The following WNK2 variants were observed in gnomAD, a reference collection of about 807,000 sequenced individuals.
WNK2 encodes the protein serine/threonine-protein kinase WNK2.
A neutral mutation model predicts 192.1 loss-of-function variants in WNK2; 67 were observed. The ratio of observed to expected loss-of-function variants is 0.35; its 90% CI spans 0.29 to 0.43. The LOEUF is 0.43. Ranked by LOEUF, WNK2 falls within the 20% of genes least tolerant of loss-of-function variation. WNK2 has a pLI of 1.00. For synonymous variants in WNK2, 1,439 were observed against 1,393.9 expected, an observed-to-expected ratio of 1.03 and a Z score of -0.72; for missense variants, 2,698 against 3,089.7, an observed-to-expected ratio of 0.87 and a Z score of 3.01.
At chr9:93,309,459 A>G (rs1853245502) in intron 28 of WNK2, among the ~76,000 whole-genome samples, 1 of 152,128 alleles carries the variant, frequency 6.6e-6, no homozygotes. Flanking sequence ...CTTTCTGACA[A>G]TTGGTATCTC....
intron 27 of WNK2, chr9:93,307,224 C>CCTCT (rs958299345): frequency 1.1e-5 from 2 of 187,858 alleles, no homozygotes; most frequent in East Asian, 1.5e-4. Context: ...GGGCCACTCA[C>CCTCT]CTCTCTCTCT....
intron 19 of WNK2, among the ~76,000 whole-genome samples, chr9:93,272,483 A>T (rs537747521): frequency 9.1e-4 from 138 of 152,278 alleles, no homozygotes; most frequent in Admixed American, 3.8e-3. Context: ...CATGACTGTA[A>T]TCCCAGCACT....
intron 23 of WNK2, 42 bp from the exon 24 acceptor site, chr9:93,297,811 C>G (rs767651537): frequency 6.5e-7 from 1 of 1,534,400 alleles, no homozygotes; most frequent in Non-Finnish European, 8.8e-7. Flanking sequence ...GTTGGAAACA[C>G]CGAGGAAGCC....
At chr9:93,225,029 A>G (rs1837569880) in intron 2 of WNK2, among the ~76,000 whole-genome samples, 1 of 152,186 alleles carries the variant, frequency 6.6e-6, no homozygotes, top group Non-Finnish European at 1.5e-5. Flanking sequence ...GGATGTGGAC[A>G]GGCTCTGTGG....
intron 2 of WNK2, among the ~76,000 whole-genome samples, chr9:93,207,033 C>G (rs1224437563): frequency 6.6e-6 from 1 of 152,070 alleles, no homozygotes; most frequent in African/African-American, 2.4e-5. Flanking sequence ...TTTGTGATGC[C>G]CACTCCTGCC....
Position 93,299,140 on chromosome 9 carries a change from A to C in WNK2, c.5994A>C (p.Ala1998=). ...DPAQASVGLT[A]DSTGLSGKAV... ...CCCAAGCCAGTGTGGGGCTCACTGC[A>C]GACAGCACGGGCCTGAGCGGGAAGG... Residue 1998 remains alanine, a synonymous_variant, in exon 25 of 30, where the codon GCA becomes GCC. Transcript: ENST00000427277. The C allele has an allele frequency of 6.2e-7, 1 of 1,612,086 alleles. No homozygotes were observed. The highest frequency in any genetic ancestry group is 1.1e-5 in the South Asian group (1 of 91,042).
In WNK2 at chr9:93,310,030, G is replaced by A. The variant is rs571383908; in HGVS notation, c.6516+1446G>A. Among the ~76,000 whole-genome samples, 66 of 152,150 alleles carry A rather than the reference G, an allele frequency of 4.3e-4. 1 individual carries two copies. The highest frequency in any genetic ancestry group is 7.4e-4 in the Non-Finnish European group (50 of 68,022). On this transcript the variant is annotated intron_variant, in intron 28 of 29. Transcript: ENST00000427277. Reference sequence around the variant, plus strand: ...GTAGGAGAGCAGACTTAGTGCTTGCGGTTTGTGGAGATCTTCCAGGACTGG... The same window carrying A: ...GTAGGAGAGCAGACTTAGTGCTTGCAGTTTGTGGAGATCTTCCAGGACTGG...
Position 93,229,959 on chromosome 9 carries a change from T to G in WNK2, c.854+91T>G. 2 of 1,478,124 alleles carry G rather than the reference T, an allele frequency of 1.4e-6. No homozygotes were observed. The highest frequency in any genetic ancestry group is 9.1e-7 in the Non-Finnish European group (1 of 1,103,640). The allele number at this position is 1,478,124 out of a possible 1,614,324, so 91.6% of individuals were successfully genotyped here. ...GTGAGGTCTTGGGCTGCTGGGGTGG[T>G]CCTGGCTGGTGCCTGTGGGAGGCTG... is the stretch of plus-strand genomic sequence containing the variant. On this transcript the variant is annotated intron_variant, in intron 3 of 29. Transcript: ENST00000427277. This position sits in a 1 kb window ranked among gnomAD's most constrained non-coding sequence, Gnocchi z 4.9.
rs79238293 is a variant in WNK2 at position 93,261,741 on chromosome 9, A to G, written c.3067-73A>G. 6.1e-4 allele frequency: 917 copies of G among 1,510,980 alleles called. 6 individuals are homozygous for G. In the African/African-American group the frequency reaches 0.011, roughly 18 times the overall value. 93.6% of individuals were successfully genotyped at this position (1,510,980 alleles called of 1,614,324 possible). A position where few individuals can be genotyped will look rare whatever the true frequency, so the allele number is the denominator to read the frequency against. ...CCCATCTCGGCCTGGGTATTCCCAG[A>G]CACACCTGGGCACGGCCCCCTCAGT... On this transcript the variant is annotated intron_variant, in intron 12 of 29. Coordinates refer to ENST00000427277, the MANE Select transcript of WNK2 (RefSeq NM_006648.4).
Position 93,309,318 on chromosome 9 carries a change from CTAAT to C in WNK2, c.6516+736_6516+739del, listed in dbSNP as rs374784225. The stretch of plus-strand genomic sequence containing the variant: ...ATCCATAGGACCCACTACGTACACT[CTAAT>C]TGATATTTTTGCTGTATTTATCACA... On this transcript the variant is annotated intron_variant, in intron 28 of 29. Transcript: ENST00000427277. The C allele has an allele frequency of 4.8e-3, 820 of 172,518 alleles. 7 individuals carry two copies. Among genetic ancestry groups the C allele is most frequent in the African/African-American group, 0.018 (769 of 41,930 alleles). The allele number at this position is 172,518 out of a possible 1,614,324, so 10.7% of individuals were successfully genotyped here.
At chr9:93,206,033 C>T (rs1404977905) in intron 2 of WNK2, among the ~76,000 whole-genome samples, 1 of 152,158 alleles carries the variant, frequency 6.6e-6, no homozygotes, top group African/African-American at 2.4e-5. Context: ...CGTGCGGAGC[C>T]TCGGGGCACA....
At chr9:93,188,285 T>G (rs1829714828) in intron 2 of WNK2, among the ~76,000 whole-genome samples, 1 of 152,206 alleles carries the variant, frequency 6.6e-6, no homozygotes, top group African/African-American at 2.4e-5. Context: ...GGGGCTCACT[T>G]GTGTTTTTCA....
intron 29 of WNK2, chr9:93,317,949 C>G: frequency 6.2e-7 from 1 of 1,611,792 alleles, no homozygotes; most frequent in Non-Finnish European, 8.5e-7. Flanking sequence ...GCTGTGGGCA[C>G]AGCACTCAGC....
chr9:93,291,646 G>A (rs1889339), intron 21 of WNK2, among the ~76,000 whole-genome samples: 104,313 of 152,042 alleles, frequency 0.69, 38,131 homozygotes, highest in East Asian at 0.85. Flanking sequence ...ATGTGCGGGC[G>A]GCCCCAACCT....
intron 19 of WNK2, among the ~76,000 whole-genome samples, chr9:93,284,638 TAAAAAG>T (rs780614678): frequency 1.6e-3 from 248 of 150,828 alleles, no homozygotes; most frequent in Non-Finnish European, 2.5e-3. Context: ...GGGGGAGAGG[TAAAAAG>T]GGAGAAAGAA....
chr9:93,292,926 C>T lies in WNK2; in HGVS notation c.5461C>T (p.Gln1821Ter). 2 of 1,528,064 alleles carry T rather than the reference C, an allele frequency of 1.3e-6. No individual in the cohort carries two copies. The highest frequency in any genetic ancestry group is 1.8e-6 in the Non-Finnish European group (2 of 1,138,386). 94.7% of individuals were successfully genotyped at this position (1,528,064 alleles called of 1,614,324 possible). ...DEGPRARPPV[Q>*]KQASLPVSGS... ...GGGCCCTCGGGCGAGACCCCCGGTG[C>T]AGAAGCAGGCGTCCCTGCCCGTGAG... Residue 1821 changes from glutamine (Q) to a stop codon, truncating the protein, a stop_gained, in exon 23 of 30, where the codon CAG (glutamine) becomes TAG (stop). Coordinates refer to ENST00000427277, the MANE Select transcript of WNK2 (RefSeq NM_006648.4). LOFTEE classifies it high-confidence loss of function.
At chr9:93,202,428 A>G (rs1360503057) in intron 2 of WNK2, among the ~76,000 whole-genome samples, 1 of 149,888 alleles carries the variant, frequency 6.7e-6, no homozygotes, top group Non-Finnish European at 1.5e-5. Flanking sequence ...TTCCGTGGGA[A>G]TGAGGAGCCC....
Position 93,292,743 on chromosome 9 carries a change from G to A in WNK2, c.5278G>A (p.Ala1760Thr). ...VVSTQDEWTL[A>T]SPHSLRYSAP... ...CAGCACTCAGGACGAGTGGACCCTGGCCTCCCCCCACAGCCTGAGATACTC... is the reference window on the plus strand; with the variant it reads ...CAGCACTCAGGACGAGTGGACCCTGACCTCCCCCCACAGCCTGAGATACTC... The change falls in exon 23 of 30, where the codon GCC becomes ACC. Residue 1760 changes from alanine (A) to threonine (T), a missense_variant. Transcript: ENST00000427277. 2 of 1,563,058 alleles carry A rather than the reference G, an allele frequency of 1.3e-6. No individual in the cohort carries two copies. Among genetic ancestry groups the A allele is most frequent in the Non-Finnish European group, 1.7e-6 (2 of 1,154,834 alleles).
At position 93,232,572 on chromosome 9, in the gene WNK2, A is replaced by G. The variant is rs998521926; in HGVS notation, c.1075+1464A>G. ...GCAGGAGGGAGGCTTGTGATCTCCT[A>G]CTCAGGAGTGAACACTCCTGGAGGA... On this transcript the variant is annotated intron_variant, in intron 4 of 29. Transcript: ENST00000427277. Among the ~76,000 whole-genome samples, 14 of 152,244 alleles carry G rather than the reference A, an allele frequency of 9.2e-5. 1 individual carries two copies. The highest frequency in any genetic ancestry group is 7.8e-4 in the Admixed American group (12 of 15,296).
Sources: gnomAD v4.1 joint callset for allele counts (sites outside exome capture counted in the v4.1 genomes callset) on GRCh38, gnomAD v4.1.1 for gene constraint, Gnocchi (gnomAD v3.1) non-coding constraint, MANE v1.5 for transcripts, NCBI Gene and HGNC (gene_info 2026-07-23, HGNC 2026-07-21) for gene names.